Variants in ARHGEF10L observed in about 807,000 individuals in gnomAD.
The protein encoded by ARHGEF10L is rho guanine nucleotide exchange factor 10-like protein.
Under a neutral mutation model 141.2 loss-of-function variants are expected in ARHGEF10L, and 69 were observed. The observed-to-expected ratio is 0.49, with a 90% confidence interval of 0.40 to 0.60. ARHGEF10L has a LOEUF of 0.60. Ranked by LOEUF, ARHGEF10L falls within the 20% of genes least tolerant of loss-of-function variation. The probability of loss-of-function intolerance (pLI) is 0.00; values close to 1 mark genes in which losing one functional copy is unlikely to be tolerated. For synonymous variants in ARHGEF10L, 711 were observed against 718.5 expected, an observed-to-expected ratio of 0.99 and a Z score of 0.17; for missense variants, 1,482 against 1,734.3, an observed-to-expected ratio of 0.85 and a Z score of 2.58.
chr1:17,656,773 T>C lies in ARHGEF10L; in HGVS notation c.2860+65T>C. 4 of 1,546,650 alleles carry C rather than the reference T, an allele frequency of 2.6e-6. No homozygotes were observed. The highest frequency in any genetic ancestry group is 3.5e-6 in the Non-Finnish European group (4 of 1,137,942). On this transcript the variant is annotated intron_variant, in intron 25 of 28. Coordinates refer to ENST00000361221, the MANE Select transcript of ARHGEF10L (RefSeq NM_018125.4). The surrounding 1 kb of genome is among the most constrained non-coding windows in gnomAD (Gnocchi z 4.9). ...GATGCCAGCTGGGTGCCAGATTCTC[T>C]ACCAAGAGAGGATACAGGAGGCTGG...
chr1:17,579,072 G>C (rs772847327), intron 1 of ARHGEF10L, among the ~76,000 whole-genome samples: 6 of 152,040 alleles, frequency 3.9e-5, no homozygotes, highest in Non-Finnish European at 8.8e-5. Flanking sequence ...CCAGACTGGA[G>C]TGCGGTGGCA....
At chr1:17,592,751 C>G (rs1300219136) in intron 4 of ARHGEF10L, among the ~76,000 whole-genome samples, 2 of 150,746 alleles carry the variant, frequency 1.3e-5, no homozygotes, top group Non-Finnish European at 3.0e-5. Flanking sequence ...TGTTTGGAAT[C>G]CTGGGCTTCT....
chr1:17,643,183 C>T (rs896701902), intron 21 of ARHGEF10L, among the ~76,000 whole-genome samples: 1 of 152,140 alleles, frequency 6.6e-6, no homozygotes. Flanking sequence ...TAATATGAGC[C>T]TGTTAGAAAT....
rs1366646536 is a variant in ARHGEF10L, at chr1:17,620,546, G to T, written c.942+1101G>T. On this transcript the variant is annotated intron_variant, in intron 10 of 28. Coordinates refer to ENST00000361221, the MANE Select transcript of ARHGEF10L (RefSeq NM_018125.4). ...GACAATGGATCAACAATGGGACAGT[G>T]GTCTTGCCATCTGCTGGGACTGTGT... 2.6e-5 allele frequency among the ~76,000 whole-genome samples: 4 copies of T among 152,188 alleles called. No homozygotes were observed. In the East Asian group the frequency reaches 7.7e-4, roughly 29 times the overall value.
chr1:17,691,143 C>T (rs774899068), intron 27 of ARHGEF10L: 3 of 455,910 alleles, frequency 6.6e-6, no homozygotes, highest in Non-Finnish European at 1.3e-5. Context: ...AAAATGTTCT[C>T]CAAGAGCCTG....
In ARHGEF10L at chr1:17,632,340, G is replaced by T; in HGVS notation, c.1604G>T (p.Arg535Leu). 2 of 1,614,058 alleles carry T rather than the reference G, an allele frequency of 1.2e-6. No homozygotes were observed. The highest frequency in any genetic ancestry group is 1.1e-5 in the South Asian group (1 of 91,074). ...CTCCAGCTGTTGACCTCAGGCCAGCGGCAGCTGCTCCTGTGTGAGACGTTG... is the reference window on the plus strand; with the variant it reads ...CTCCAGCTGTTGACCTCAGGCCAGCTGCAGCTGCTCCTGTGTGAGACGTTG... ...SLNKLLTSGQ[R>L]QLLLCETLTE... is the part of the protein sequence containing the mutation. Residue 535 changes from arginine (R) to leucine (L), a missense_variant, in exon 16 of 29, where the codon CGG (arginine) becomes CTG (leucine). By Grantham distance (102) the Arg-to-Leu change is moderately radical. Transcript: ENST00000361221.
chr1:17,616,985 A>C (rs897518539), intron 9 of ARHGEF10L, among the ~76,000 whole-genome samples: 4 of 152,162 alleles, frequency 2.6e-5, no homozygotes, highest in Non-Finnish European at 5.9e-5. Context: ...TCCTCACCAC[A>C]CAAGGCGCAC....
At chr1:17,696,390 TG>T (rs1481175101) in intron 28 of ARHGEF10L, among the ~76,000 whole-genome samples, 3 of 152,044 alleles carry the variant, frequency 2.0e-5, no homozygotes, top group Non-Finnish European at 4.4e-5. Flanking sequence ...GATGGTCTCC[TG>T]GGGGTCATCA....
At chr1:17,595,042 A>T (rs193011551) in intron 4 of ARHGEF10L, among the ~76,000 whole-genome samples, 1,629 of 151,928 alleles carry the variant, frequency 0.011, 22 homozygotes, top group African/African-American at 0.033. Context: ...CTTCCTTTTT[A>T]AAAAAAATAC....
intron 4 of ARHGEF10L, among the ~76,000 whole-genome samples, chr1:17,588,783 G>A (rs1241662291): frequency 6.6e-6 from 1 of 151,344 alleles, no homozygotes; most frequent in Admixed American, 6.6e-5. Context: ...GCGGCTGAAG[G>A]GGAAACAATG....
chr1:17,543,603 G>C (rs977304540), intron 1 of ARHGEF10L, among the ~76,000 whole-genome samples: 25 of 151,886 alleles, frequency 1.6e-4, no homozygotes, highest in Admixed American at 6.6e-4. Flanking sequence ...AATTTTTTTT[G>C]AGTGTATACA....
intron 18 of ARHGEF10L, among the ~76,000 whole-genome samples, chr1:17,637,394 C>G (rs996973240): frequency 6.6e-6 from 1 of 152,344 alleles, no homozygotes; most frequent in East Asian, 1.9e-4. Context: ...TACAGACTGA[C>G]TATGGCCTGG....
At chr1:17,626,416 AAGGGACATT>A (rs2060389740) in intron 14 of ARHGEF10L, among the ~76,000 whole-genome samples, 1 of 152,054 alleles carries the variant, frequency 6.6e-6, no homozygotes, top group Non-Finnish European at 1.5e-5. Flanking sequence ...GGGGATTCCT[AAGGGACATT>A]AGCCCCACAC....
intron 26 of ARHGEF10L, among the ~76,000 whole-genome samples, chr1:17,677,648 C>T (rs1275364291): frequency 6.6e-6 from 1 of 152,218 alleles, no homozygotes; most frequent in East Asian, 1.9e-4. Context: ...TATTAAGACT[C>T]ATGGGTCCCA....
chr1:17,682,007 C>G (rs1000147340), intron 26 of ARHGEF10L, among the ~76,000 whole-genome samples: 2 of 151,868 alleles, frequency 1.3e-5, no homozygotes, highest in African/African-American at 2.4e-5. Flanking sequence ...AAAAATCCAG[C>G]GTGCTCTAAT....
In ARHGEF10L at chr1:17,632,300, C is replaced by T. The variant is rs771827853; in HGVS notation, c.1585-21C>T. On this transcript the variant is annotated intron_variant, in intron 15 of 28. Coordinates refer to ENST00000361221, the MANE Select transcript of ARHGEF10L (RefSeq NM_018125.4). Reference sequence around the variant, plus strand: ...CGCCGGGCCGCGATGCTGATGCTGACCTTCCCTGCCCCTCCTCCAGCTGTT... The same window carrying T: ...CGCCGGGCCGCGATGCTGATGCTGATCTTCCCTGCCCCTCCTCCAGCTGTT... The T allele has an allele frequency of 1.1e-5, 18 of 1,612,848 alleles. No homozygotes were observed. The African/African-American group carries it at 1.7e-4, about 16-fold the overall frequency.
chr1:17,574,634 G>A (rs981615904), intron 1 of ARHGEF10L, among the ~76,000 whole-genome samples: 4 of 152,178 alleles, frequency 2.6e-5, no homozygotes, highest in Non-Finnish European at 5.9e-5. Flanking sequence ...TACCAAGGCC[G>A]GGTTCCTGTC....
At chr1:17,553,464 C>T (rs942332546) in intron 1 of ARHGEF10L, among the ~76,000 whole-genome samples, 4 of 152,114 alleles carry the variant, frequency 2.6e-5, no homozygotes, top group Non-Finnish European at 5.9e-5. Flanking sequence ...GATGAGGAAA[C>T]AATTCAGTGA....
chr1:17,623,197 C>A lies in ARHGEF10L; in HGVS notation c.1200+22C>A, dbSNP rs1296311295. On this transcript the variant is annotated intron_variant, in intron 12 of 28. Coordinates refer to ENST00000361221, the MANE Select transcript of ARHGEF10L (RefSeq NM_018125.4). The surrounding 1 kb of genome is among the most constrained non-coding windows in gnomAD (Gnocchi z 4.7). ...CTCGGTAAGTGTCCCCAAACTTTTT[C>A]CCCAGCCCACCAAGGTAAAACCACA... is the stretch of plus-strand genomic sequence containing the variant. The A allele has an allele frequency of 6.2e-7, 1 of 1,606,554 alleles. No homozygotes were observed.
Sources: gnomAD v4.1 joint callset for allele counts (sites outside exome capture counted in the v4.1 genomes callset) on GRCh38, gnomAD v4.1.1 for gene constraint, Gnocchi (gnomAD v3.1) non-coding constraint, MANE v1.5 for transcripts, NCBI Gene and HGNC (gene_info 2026-07-23, HGNC 2026-07-21) for gene names.